Variants in CWC27 observed in about 807,000 individuals in gnomAD.
CWC27 encodes the protein CWC27 spliceosome associated cyclophilin.
CWC27 carries 47 observed loss-of-function variants against 63.6 expected under a neutral mutation model. The observed-to-expected ratio is 0.74, with a 90% CI of 0.58 to 0.94. The LOEUF is 0.94. Among genes scored for constraint, CWC27 ranks in the 40% least tolerant of loss-of-function variants. CWC27 has a pLI of 0.00. For synonymous variants in CWC27, 175 were observed against 179.8 expected, an observed-to-expected ratio of 0.97 and a Z score of 0.22; for missense variants, 495 against 554.3, an observed-to-expected ratio of 0.89 and a Z score of 1.07.
chr5:64,869,035 T>G (rs1408677196), intron 10 of CWC27, among the ~76,000 whole-genome samples: 1 of 152,192 alleles, frequency 6.6e-6, no homozygotes, highest in Middle Eastern at 3.4e-3. Context: ...TTGGAACATT[T>G]TTGGAATAGA....
At chr5:64,820,811 A>G (rs779458263) in intron 10 of CWC27, among the ~76,000 whole-genome samples, 8 of 152,108 alleles carry the variant, frequency 5.3e-5, no homozygotes, top group Non-Finnish European at 1.0e-4. Context: ...ACATAAAACT[A>G]TTACACTTCT....
intron 13 of CWC27, among the ~76,000 whole-genome samples, chr5:65,011,056 C>G (rs1249353758): frequency 6.6e-6 from 1 of 152,078 alleles, no homozygotes; most frequent in Non-Finnish European, 1.5e-5. Flanking sequence ...GGTACAAAGG[C>G]GAATAACAGA....
At chr5:64,915,626 C>A (rs1361516213) in intron 11 of CWC27, among the ~76,000 whole-genome samples, 1 of 152,086 alleles carries the variant, frequency 6.6e-6, no homozygotes, top group Non-Finnish European at 1.5e-5. Context: ...TGGTTCCCAA[C>A]TATGTCTTAC....
At chr5:64,981,176 C>T (rs1749326429) in intron 13 of CWC27, among the ~76,000 whole-genome samples, 1 of 152,044 alleles carries the variant, frequency 6.6e-6, no homozygotes, top group Non-Finnish European at 1.5e-5. Flanking sequence ...CCTATGATCC[C>T]AAACTCAAAG....
chr5:64,808,720 G>T (rs1369425785), intron 10 of CWC27, among the ~76,000 whole-genome samples: 1 of 151,904 alleles, frequency 6.6e-6, no homozygotes, highest in East Asian at 1.9e-4. Context: ...TATAGTAACT[G>T]GTCATTAAAC....
chr5:65,002,317 T>C (rs1372122861), intron 13 of CWC27, among the ~76,000 whole-genome samples: 1 of 152,152 alleles, frequency 6.6e-6, no homozygotes, highest in African/African-American at 2.4e-5. Flanking sequence ...TTTAATTCTG[T>C]CTAATCTTTA....
intron 13 of CWC27, among the ~76,000 whole-genome samples, chr5:64,978,973 A>G (rs932712491): frequency 7.2e-5 from 11 of 152,198 alleles, no homozygotes; most frequent in African/African-American, 2.7e-4. Context: ...AGACCATTTA[A>G]CTTCCAAGGT....
At chr5:64,954,067 A>G (rs1748759110) in intron 11 of CWC27, among the ~76,000 whole-genome samples, 1 of 152,192 alleles carries the variant, frequency 6.6e-6, no homozygotes, top group Non-Finnish European at 1.5e-5. Context: ...TAGTGTAGGC[A>G]CTATTCTAGG....
rs397998002 is a variant in CWC27 at position 64,878,470 on chromosome 5, T to TAAAA, written c.939-6946_939-6943dup. Among the ~76,000 whole-genome samples, 69 of 26,936 alleles carry TAAAA rather than the reference T, an allele frequency of 2.6e-3. 15 individuals carry two copies. The highest frequency in any genetic ancestry group is 6.6e-3 in the African/African-American group (54 of 8,184). The allele number at this position is 26,936 out of a possible 152,430, so 17.7% of individuals were successfully genotyped here. A position where few individuals can be genotyped will look rare whatever the true frequency, so the allele number is the denominator to read the frequency against. On this transcript the variant is annotated intron_variant, in intron 10 of 13. Coordinates refer to ENST00000381070, the MANE Select transcript of CWC27 (RefSeq NM_005869.4). ...GTCAGCACTGTCCTGGGTTACAGAT[T>TAAAA]AAAAAAAAAAAAAAAAAAAAAAAAA...
intron 10 of CWC27, chr5:64,804,664 T>G (rs541619618): frequency 4.0e-6 from 1 of 246,918 alleles, no homozygotes; most frequent in South Asian, 1.5e-4. Flanking sequence ...GGTAATAATG[T>G]ATTAGCTAGA....
intron 1 of CWC27, among the ~76,000 whole-genome samples, chr5:64,772,579 A>T (rs1002960542): frequency 1.5e-5 from 2 of 133,634 alleles, no homozygotes; most frequent in African/African-American, 2.8e-5. Context: ...GTGAACTGAG[A>T]TCACACCACT....
chr5:64,919,118 A>G (rs962664877), intron 11 of CWC27, among the ~76,000 whole-genome samples: 3 of 152,228 alleles, frequency 2.0e-5, no homozygotes, highest in African/African-American at 4.8e-5. Flanking sequence ...AAAACATTAT[A>G]ATCTCTAAAG....
intron 10 of CWC27, among the ~76,000 whole-genome samples, chr5:64,851,588 T>TG (rs1746134848): frequency 1.3e-5 from 2 of 152,218 alleles, no homozygotes; most frequent in African/African-American, 4.8e-5. Flanking sequence ...TTTGAAGTGA[T>TG]GGATGTTAAC....
chr5:64,922,334 A>G (rs1038657950), intron 11 of CWC27, among the ~76,000 whole-genome samples: 4 of 151,864 alleles, frequency 2.6e-5, no homozygotes, highest in African/African-American at 9.7e-5. Flanking sequence ...CATTTTTTAC[A>G]TTCTTTTTTC....
rs536910982 is a variant in CWC27 at position 65,006,903 on chromosome 5, A to G, written c.1257-11256A>G. ...AATAAACCCCCATGACACGTTACCT[A>G]TGTTACAAACCTTCACATATACCCC... is the stretch of plus-strand genomic sequence containing the variant. On this transcript the variant is annotated intron_variant, in intron 13 of 13. Coordinates refer to ENST00000381070, the MANE Select transcript of CWC27 (RefSeq NM_005869.4). 1.5e-3 allele frequency among the ~76,000 whole-genome samples: 222 copies of G among 151,974 alleles called. 1 individual carries two copies. The highest frequency in any genetic ancestry group is 5.2e-3 in the African/African-American group (217 of 41,436).
chr5:64,906,001 C>T (rs1747629424), intron 11 of CWC27, among the ~76,000 whole-genome samples: 1 of 148,592 alleles, frequency 6.7e-6, no homozygotes, highest in South Asian at 2.1e-4. Context: ...CTGCAAAGGA[C>T]ATGAACTCAT....
chr5:64,802,825 G>C (rs1561413932), intron 9 of CWC27, among the ~76,000 whole-genome samples: 2 of 152,064 alleles, frequency 1.3e-5, no homozygotes, highest in Non-Finnish European at 2.9e-5. Context: ...ACATAATATG[G>C]GTCTAGAAGT....
At chr5:64,828,558 AG>A (rs1745429794) in intron 10 of CWC27, among the ~76,000 whole-genome samples, 2 of 152,122 alleles carry the variant, frequency 1.3e-5, no homozygotes, top group South Asian at 4.2e-4. Flanking sequence ...CAAATGGCAG[AG>A]GGGGCTTGAG....
At chr5:64,826,777 T>C (rs1453323251) in intron 10 of CWC27, among the ~76,000 whole-genome samples, 1 of 151,948 alleles carries the variant, frequency 6.6e-6, no homozygotes, top group Non-Finnish European at 1.5e-5. Context: ...TTTTATCCTG[T>C]ATAATACTTA....
Sources: allele counts gnomAD v4.1 joint callset (sites outside exome capture counted in the v4.1 genomes callset), GRCh38; gene constraint gnomAD v4.1.1; transcripts MANE v1.5; gene names NCBI Gene and HGNC (gene_info 2026-07-23, HGNC 2026-07-21).